DLG2: variants seen among roughly 807,000 people sequenced by gnomAD.
The protein encoded by DLG2 is disks large homolog 2.
Under a neutral mutation model 132.5 loss-of-function variants are expected in DLG2, and 45 were observed. The observed-to-expected ratio is 0.34, with a 90% CI of 0.27 to 0.44. DLG2 has a LOEUF of 0.44. Ranked by LOEUF, DLG2 falls within the 20% of genes least tolerant of loss-of-function variation. The pLI, the probability that DLG2 is intolerant of heterozygous loss-of-function variation, is 1.00. For missense variants in DLG2, 1,045 were observed against 1,196.9 expected (o/e 0.87, Z 1.87); for synonymous variants, 424 against 419.6 (o/e 1.01, Z -0.13).
chr11:85,403,331 G>T (rs2088374974), intron 3 of DLG2, among the ~76,000 whole-genome samples: 1 of 151,974 alleles, frequency 6.6e-6, no homozygotes, highest in African/African-American at 2.4e-5. Flanking sequence ...TCAAACATTG[G>T]GGCCTGTCAG....
At chr11:83,679,022 G>A (rs1592297977) in intron 18 of DLG2, among the ~76,000 whole-genome samples, 1 of 152,088 alleles carries the variant, frequency 6.6e-6, no homozygotes, top group Non-Finnish European at 1.5e-5. Flanking sequence ...CAGATATGGG[G>A]CCAAGATCCC....
intron 6 of DLG2, among the ~76,000 whole-genome samples, chr11:84,881,850 T>C (rs1381444406): frequency 1.3e-5 from 2 of 152,150 alleles, no homozygotes; most frequent in African/African-American, 2.4e-5. Flanking sequence ...ACACCTCTTA[T>C]AACTTTTAAT....
intron 5 of DLG2, among the ~76,000 whole-genome samples, chr11:85,152,885 T>G (rs1416305061): frequency 6.6e-6 from 1 of 152,208 alleles, no homozygotes. Flanking sequence ...ACTTAGTCTC[T>G]TAATCAACCA....
chr11:85,036,430 G>A (rs568140313), intron 6 of DLG2, among the ~76,000 whole-genome samples: 18 of 152,166 alleles, frequency 1.2e-4, no homozygotes, highest in East Asian at 5.8e-4. Flanking sequence ...TGCCTAACAC[G>A]TGGTCTCAAT....
intron 4 of DLG2, among the ~76,000 whole-genome samples, chr11:85,159,274 C>T (rs2077847130): frequency 6.6e-6 from 1 of 152,142 alleles, no homozygotes; most frequent in Admixed American, 6.5e-5. Context: ...TGTATCCGGA[C>T]TCATCCTGTG....
At chr11:84,505,378 T>G (rs1166550672) in intron 7 of DLG2, among the ~76,000 whole-genome samples, 6 of 152,344 alleles carry the variant, frequency 3.9e-5, no homozygotes, top group African/African-American at 1.4e-4. Flanking sequence ...TCCTAAGAGA[T>G]AAGTGCTTTC....
chr11:85,465,274 C>T (rs998326635), intron 3 of DLG2, among the ~76,000 whole-genome samples: 1 of 151,602 alleles, frequency 6.6e-6, no homozygotes, highest in Admixed American at 6.6e-5. Context: ...TCCCAAGTAG[C>T]TGTGACTACT....
chr11:83,771,598 A>G (rs995720423), intron 18 of DLG2, among the ~76,000 whole-genome samples: 19 of 152,210 alleles, frequency 1.2e-4, no homozygotes, highest in African/African-American at 4.3e-4. Flanking sequence ...AGGCAACTGT[A>G]ACACAACGTA....
At chr11:83,821,584 T>C (rs1475233842) in intron 17 of DLG2, among the ~76,000 whole-genome samples, 3 of 152,206 alleles carry the variant, frequency 2.0e-5, no homozygotes, top group East Asian at 3.8e-4. Flanking sequence ...TATACCTCTC[T>C]ATTTCCTATA....
intron 3 of DLG2, among the ~76,000 whole-genome samples, chr11:85,347,604 G>A (rs1473455304): frequency 6.6e-6 from 1 of 151,808 alleles, no homozygotes; most frequent in Non-Finnish European, 1.5e-5. Flanking sequence ...TACTCTACTG[G>A]GAGATTGAGG....
At chr11:83,699,556 A>G (rs1259215331) in intron 18 of DLG2, among the ~76,000 whole-genome samples, 1 of 150,338 alleles carries the variant, frequency 6.7e-6, no homozygotes, top group Non-Finnish European at 1.5e-5. Context: ...AAAAAAAAAA[A>G]AAAACTAGCC....
At chr11:85,373,003 C>T (rs2085110838) in intron 3 of DLG2, among the ~76,000 whole-genome samples, 1 of 152,208 alleles carries the variant, frequency 6.6e-6, no homozygotes, top group African/African-American at 2.4e-5. Context: ...TTCCTCGGTT[C>T]TCTCTTCAGA....
chr11:84,241,140 T>C (rs1040439106), intron 8 of DLG2, among the ~76,000 whole-genome samples: 3 of 152,234 alleles, frequency 2.0e-5, no homozygotes, highest in African/African-American at 4.8e-5. Flanking sequence ...AAATTCTCCC[T>C]TTCTCTGATT....
chr11:85,378,143 C>A (rs186169933), intron 3 of DLG2, among the ~76,000 whole-genome samples: 3 of 152,138 alleles, frequency 2.0e-5, no homozygotes, highest in Non-Finnish European at 4.4e-5. Flanking sequence ...AAAATATTGT[C>A]TTTTTTCTCT....
intron 7 of DLG2, among the ~76,000 whole-genome samples, chr11:84,357,654 T>C (rs541319952): frequency 6.6e-6 from 1 of 152,098 alleles, no homozygotes; most frequent in South Asian, 2.1e-4. Flanking sequence ...AATATGGTAA[T>C]AACATGAGTA....
At chr11:83,764,626 T>C (rs1036029769) in intron 18 of DLG2, among the ~76,000 whole-genome samples, 5 of 152,212 alleles carry the variant, frequency 3.3e-5, no homozygotes, top group African/African-American at 1.2e-4. Flanking sequence ...AAAATTATCT[T>C]ATAACATAGC....
At chr11:83,825,130 T>TACACACAC (rs749607243) in intron 17 of DLG2, among the ~76,000 whole-genome samples, 71 of 89,198 alleles carry the variant, frequency 8.0e-4, no homozygotes, top group South Asian at 1.7e-3. Context: ...CACATATATA[T>TACACACAC]ATACACACAC....
intron 3 of DLG2, among the ~76,000 whole-genome samples, chr11:85,523,120 A>T (rs1318937968): frequency 1.3e-5 from 2 of 152,170 alleles, no homozygotes; most frequent in Non-Finnish European, 2.9e-5. Flanking sequence ...TGATTGAATC[A>T]TGGGGGAAGT....
chr11:84,786,715 T>C (rs546528386), intron 6 of DLG2, among the ~76,000 whole-genome samples: 23 of 152,292 alleles, frequency 1.5e-4, no homozygotes, highest in East Asian at 9.6e-4. Context: ...GCTGCCTCAA[T>C]TGAATATTTC....
Sources: allele counts gnomAD v4.1 joint callset (sites outside exome capture counted in the v4.1 genomes callset), GRCh38; gene constraint gnomAD v4.1.1; transcripts MANE v1.5; gene names NCBI Gene and HGNC (gene_info 2026-07-23, HGNC 2026-07-21).